DNAH11: variants seen among roughly 807,000 people sequenced by gnomAD.
DNAH11 encodes the protein dynein axonemal heavy chain 11.
A neutral mutation model predicts 526.0 loss-of-function variants in DNAH11; 442 were observed. The observed-to-expected ratio is 0.84, with a 90% CI of 0.78 to 0.91. DNAH11 has a LOEUF of 0.91. DNAH11 is among the 40% of genes least tolerant of loss of function. The pLI is 0.00. For synonymous variants in DNAH11, 2,461 were observed against 1,935.9 expected (o/e 1.27, Z -7.12); for missense variants, 6,989 against 5,448.7 (o/e 1.28, Z -8.90).
intron 25 of DNAH11, among the ~76,000 whole-genome samples, chr7:21,624,177 T>C (rs180843792): frequency 1.3e-5 from 2 of 152,132 alleles, no homozygotes; most frequent in East Asian, 3.9e-4. Flanking sequence ...TTAACAATAT[T>C]AAATACTGGG....
intron 5 of DNAH11, among the ~76,000 whole-genome samples, chr7:21,562,139 C>G (rs1174476709): frequency 6.6e-6 from 1 of 152,230 alleles, no homozygotes; most frequent in African/African-American, 2.4e-5. Flanking sequence ...CCTATTAACA[C>G]CTTCCTTGAA....
chr7:21,559,704 G>A lies in DNAH11; in HGVS notation c.794G>A (p.Arg265His), dbSNP rs192989152. ...ATTATAGAAAGAGATTCAGTGCAGC[G>A]TTTGTTGAATGGTCTTCACTTGTCT... is the stretch of plus-strand genomic sequence containing the variant. Reference protein sequence around the residue: ...QEIIERDSVQRLLNGLHLSPQ... With the variant: ...QEIIERDSVQHLLNGLHLSPQ... Residue 265 changes from arginine (R) to histidine (H), a missense_variant, in exon 4 of 82, where the codon CGT becomes CAT. By Grantham distance (29) the Arg-to-His change is conservative. Transcript: ENST00000409508. The A allele has an allele frequency of 3.4e-4, 552 of 1,610,728 alleles. 1 individual carries two copies. In the East Asian group the frequency reaches 5.7e-3, roughly 17 times the overall value.
At chr7:21,865,032 A>G (rs1783219989) in intron 70 of DNAH11, among the ~76,000 whole-genome samples, 1 of 152,176 alleles carries the variant, frequency 6.6e-6, no homozygotes, top group Admixed American at 6.5e-5. Context: ...CCATTTTTCT[A>G]AATAGTTCTT....
intron 7 of DNAH11, 52 bp downstream of exon 7, chr7:21,570,351 CA>C (rs1185018781): frequency 1.4e-6 from 2 of 1,425,684 alleles, no homozygotes; most frequent in African/African-American, 2.9e-5. Context: ...TGCAAAAAGC[CA>C]GTAGCTTTTC....
intron 74 of DNAH11, among the ~76,000 whole-genome samples, chr7:21,879,086 T>C (rs574193933): frequency 4.4e-4 from 67 of 152,214 alleles, no homozygotes; most frequent in Non-Finnish European, 5.7e-4. Flanking sequence ...TTTAATTTTA[T>C]GGCTGTTGGG....
intron 45 of DNAH11, 89 bp downstream of exon 45, chr7:21,726,073 G>T (rs1361029918): frequency 5.5e-6 from 7 of 1,276,682 alleles, no homozygotes; most frequent in Non-Finnish European, 7.3e-6. Flanking sequence ...AAAGAAAAGA[G>T]GTTTAATTGG....
rs147861249 is a variant in DNAH11, at chr7:21,590,736, TTACTA to T, written c.2170-179_2170-175del. ...ATGTTTAAGGATAATTCATATACCT[TTACTA>T]TATTATGAATGTATGATTTTTGTTT... is the stretch of plus-strand genomic sequence containing the variant. On this transcript the variant is annotated intron_variant, in intron 12 of 81. Coordinates refer to ENST00000409508, the MANE Select transcript of DNAH11 (RefSeq NM_001277115.2). 0.15 allele frequency among the ~76,000 whole-genome samples: 22,856 copies of T among 152,102 alleles called. 1,725 individuals carry two copies. The highest frequency in any genetic ancestry group is 0.19 in the East Asian group (999 of 5,186).
intron 30 of DNAH11, among the ~76,000 whole-genome samples, chr7:21,664,406 C>T (rs1193393875): frequency 2.6e-5 from 4 of 151,664 alleles, no homozygotes; most frequent in East Asian, 1.9e-4. Context: ...TATCTCCCCT[C>T]GCCCCCGCCC....
At chr7:21,570,495 TA>T (rs1308984303) in intron 7 of DNAH11, 196 bp downstream of exon 7, 3 of 464,508 alleles carry the variant, frequency 6.5e-6, no homozygotes, top group Non-Finnish European at 1.1e-5. Context: ...TTGGATTTTT[TA>T]AAAGTTCATT....
At chr7:21,637,068 G>A (rs1003476455) in intron 26 of DNAH11, among the ~76,000 whole-genome samples, 43 of 152,156 alleles carry the variant, frequency 2.8e-4, no homozygotes, top group African/African-American at 9.9e-4. Flanking sequence ...AGAAGTCACA[G>A]ATAAATTTTA....
intron 20 of DNAH11, among the ~76,000 whole-genome samples, chr7:21,609,480 A>G (rs1785432232): frequency 6.6e-6 from 1 of 152,130 alleles, no homozygotes; most frequent in South Asian, 2.1e-4. Flanking sequence ...TCAGCCTCCC[A>G]ACTTGCTGGG....
intron 47 of DNAH11, 146 bp from the exon 48 acceptor site, chr7:21,739,425 C>T (rs1459447833): frequency 3.4e-6 from 2 of 596,662 alleles, no homozygotes; most frequent in African/African-American, 3.8e-5. Flanking sequence ...TTTGATGTCT[C>T]TCAAATAAGG....
chr7:21,555,129 G>A (rs1783165648), intron 2 of DNAH11, among the ~76,000 whole-genome samples: 1 of 152,052 alleles, frequency 6.6e-6, no homozygotes, highest in Non-Finnish European at 1.5e-5. Context: ...CCAGCAGAGA[G>A]TGTAGCCCAT....
chr7:21,901,104 G>A lies in DNAH11; in HGVS notation c.13401G>A (p.Val4467=). The change falls in exon 82 of 82, where the codon GTG becomes GTA. Residue 4467 remains valine, a synonymous_variant. Transcript: ENST00000409508. ...MPVIFAKATP[V]DRQETKQTYE... is the part of the protein sequence containing the mutation. The stretch of plus-strand genomic sequence containing the variant: ...TCATCTTTGCAAAAGCCACCCCCGT[G>A]GACAGACAAGAAACCAAACAGACCT... The A allele has an allele frequency of 6.2e-7, 1 of 1,613,544 alleles. No homozygotes were observed. The highest frequency in any genetic ancestry group is 8.5e-7 in the Non-Finnish European group (1 of 1,179,600).
At chr7:21,769,553 C>T (rs1374443405) in intron 55 of DNAH11, among the ~76,000 whole-genome samples, 1 of 151,694 alleles carries the variant, frequency 6.6e-6, no homozygotes, top group Non-Finnish European at 1.5e-5. Context: ...GGCATGATCT[C>T]GGCTCACTGC....
chr7:21,859,708 A>G (rs1034133026), intron 68 of DNAH11, among the ~76,000 whole-genome samples: 5 of 152,014 alleles, frequency 3.3e-5, no homozygotes, highest in Non-Finnish European at 7.4e-5. Flanking sequence ...ATTGATGGCT[A>G]TTTATATATA....
intron 79 of DNAH11, among the ~76,000 whole-genome samples, chr7:21,898,204 T>G (rs1014008553): frequency 6.6e-6 from 1 of 152,228 alleles, no homozygotes; most frequent in Admixed American, 6.5e-5. Flanking sequence ...TCTTCCTGCC[T>G]TTGCTTTTCT....
chr7:21,734,433 T>G (rs1396715155), intron 45 of DNAH11, among the ~76,000 whole-genome samples: 2 of 152,252 alleles, frequency 1.3e-5, no homozygotes, highest in African/African-American at 2.4e-5. Context: ...CTCGAATATT[T>G]TTTAAAGAGT....
chr7:21,681,536 T>C lies in DNAH11; in HGVS notation c.5329-10T>C. 2 of 1,612,406 alleles carry C rather than the reference T, an allele frequency of 1.2e-6. No individual in the cohort carries two copies. Among genetic ancestry groups the C allele is most frequent in the Non-Finnish European group, 1.7e-6 (2 of 1,178,982 alleles). On this transcript the variant is annotated splice_polypyrimidine_tract_variant and intron_variant, in intron 30 of 81. Coordinates refer to ENST00000409508, the MANE Select transcript of DNAH11 (RefSeq NM_001277115.2). ...CCCTTCTCTCCTTTTTAAAAAATGA[T>C]TCCTTCTAGATTTCTCAGCTGAATA...
Sources: gnomAD v4.1 joint callset for allele counts (sites outside exome capture counted in the v4.1 genomes callset) on GRCh38, gnomAD v4.1.1 for gene constraint, MANE v1.5 for transcripts, NCBI Gene and HGNC (gene_info 2026-07-23, HGNC 2026-07-21) for gene names.